Variants in RGS20 observed in about 807,000 individuals in gnomAD.
RGS20 encodes gz-selective GTPase-activating protein.
A neutral mutation model predicts 33.6 loss-of-function variants in RGS20; 30 were observed. The observed-to-expected ratio is 0.89, with a 90% CI of 0.67 to 1.21. The LOEUF is 1.21. Among genes scored for constraint, RGS20 ranks in the 50% most tolerant of loss-of-function variants. The pLI, the probability that RGS20 is intolerant of heterozygous loss-of-function variation, is 0.00. For missense variants in RGS20, 472 were observed against 502.4 expected (o/e 0.94, Z 0.58); for synonymous variants, 208 against 197.9 (o/e 1.05, Z -0.43).
Position 53,867,199 on chromosome 8 carries a change from C to T in RGS20, c.166-12059C>T, listed in dbSNP as rs568975998. 1.3e-4 allele frequency among the ~76,000 whole-genome samples: 20 copies of T among 152,124 alleles called. No individual in the cohort carries two copies. The South Asian group carries it at 3.7e-3, about 28-fold the overall frequency. ...AGGAGAGCGGCAGAGCCTGGGAAAA[C>T]GTGACAACTCAAATGGTGGCAGTGT... On this transcript the variant is annotated intron_variant, in intron 1 of 5. Transcript: ENST00000297313.
chr8:53,880,479 C>T (rs1280384775), intron 2 of RGS20, among the ~76,000 whole-genome samples: 1 of 152,028 alleles, frequency 6.6e-6, no homozygotes, highest in Non-Finnish European at 1.5e-5. Flanking sequence ...TCCAGAGACG[C>T]GCAGTCCACA....
chr8:53,889,606 T>A (rs1431703192), intron 2 of RGS20, among the ~76,000 whole-genome samples: 1 of 151,836 alleles, frequency 6.6e-6, no homozygotes, highest in Non-Finnish European at 1.5e-5. Context: ...TTGCCCAGGC[T>A]GGTCTTGAAC....
intron 1 of RGS20, among the ~76,000 whole-genome samples, chr8:53,874,782 C>G (rs1438659141): frequency 6.6e-6 from 1 of 152,120 alleles, no homozygotes; most frequent in Non-Finnish European, 1.5e-5. Context: ...CGAAATTTCC[C>G]CTTTGTATAA....
intron 2 of RGS20, among the ~76,000 whole-genome samples, chr8:53,916,780 C>T (rs1813495924): frequency 6.6e-6 from 1 of 152,142 alleles, no homozygotes; most frequent in South Asian, 2.1e-4. Flanking sequence ...ATTTGTTTCT[C>T]ACAGTTCTGG....
At chr8:53,853,260 T>C (rs1222392701) in intron 1 of RGS20, among the ~76,000 whole-genome samples, 1 of 152,268 alleles carries the variant, frequency 6.6e-6, no homozygotes, top group Non-Finnish European at 1.5e-5. Flanking sequence ...TATATGTGTG[T>C]ATGTATATGC....
chr8:53,918,426 T>C (rs570809457), intron 2 of RGS20, among the ~76,000 whole-genome samples: 6 of 152,008 alleles, frequency 3.9e-5, no homozygotes, highest in Middle Eastern at 6.8e-3. Flanking sequence ...TTTGCTCTTG[T>C]TGCCCGGGCC....
At chr8:53,905,378 T>C (rs1020275627) in intron 2 of RGS20, among the ~76,000 whole-genome samples, 1 of 152,174 alleles carries the variant, frequency 6.6e-6, no homozygotes, top group Non-Finnish European at 1.5e-5. Flanking sequence ...ATAGTGGAAA[T>C]AGAGCTTTGA....
chr8:53,875,258 C>G (rs1812174756), intron 1 of RGS20, among the ~76,000 whole-genome samples: 1 of 151,768 alleles, frequency 6.6e-6, no homozygotes, highest in Non-Finnish European at 1.5e-5. Context: ...ATGGTGAAAC[C>G]CCATCTCTAC....
intron 3 of RGS20, among the ~76,000 whole-genome samples, chr8:53,940,358 A>C (rs570696823): frequency 6.6e-6 from 1 of 152,342 alleles, no homozygotes; most frequent in East Asian, 1.9e-4. Context: ...CCTAAAAATC[A>C]TGGGAACTTT....
At chr8:53,888,865 T>C (rs1219037100) in intron 2 of RGS20, among the ~76,000 whole-genome samples, 1 of 152,224 alleles carries the variant, frequency 6.6e-6, no homozygotes, top group Non-Finnish European at 1.5e-5. Context: ...ATTATGTTTT[T>C]GAGATTCATT....
chr8:53,917,886 G>A (rs894003025), intron 2 of RGS20, among the ~76,000 whole-genome samples: 3 of 152,104 alleles, frequency 2.0e-5, no homozygotes, highest in African/African-American at 4.8e-5. Flanking sequence ...GTCATTCTCC[G>A]TTCTCTCTCC....
At chr8:53,874,931 C>T (rs1221488760) in intron 1 of RGS20, among the ~76,000 whole-genome samples, 1 of 152,116 alleles carries the variant, frequency 6.6e-6, no homozygotes, top group African/African-American at 2.4e-5. Flanking sequence ...TGCAAGTCAA[C>T]CTATAACACA....
rs1014590815 is a variant in RGS20, at chr8:53,954,407, T to G, written c.978+97T>G. The G allele has an allele frequency of 6.3e-6, 5 of 791,446 alleles. No homozygotes were observed. The African/African-American group carries it at 8.6e-5, about 14-fold the overall frequency. 49.0% of individuals were successfully genotyped at this position (791,446 alleles called of 1,614,324 possible). A position where few individuals can be genotyped will look rare whatever the true frequency, so the allele number is the denominator to read the frequency against. On this transcript the variant is annotated intron_variant, in intron 5 of 5. Coordinates refer to ENST00000297313, the MANE Select transcript of RGS20 (RefSeq NM_170587.4). ...GGCCGGGCACAGTGGCTCACGTCTG[T>G]AATCCCAGCACTTTGGGAGGCTGAG...
At chr8:53,908,546 A>G (rs1044014104) in intron 2 of RGS20, among the ~76,000 whole-genome samples, 1 of 152,062 alleles carries the variant, frequency 6.6e-6, no homozygotes, top group Non-Finnish European at 1.5e-5. Flanking sequence ...AGGCTGAGGC[A>G]GGATAATCTC....
At chr8:53,926,015 G>C (rs1813785718) in intron 2 of RGS20, among the ~76,000 whole-genome samples, 1 of 152,152 alleles carries the variant, frequency 6.6e-6, no homozygotes, top group South Asian at 2.1e-4. Context: ...GAGCCCAGGA[G>C]TTTGAGACAT....
chr8:53,923,664 T>C (rs1813711755), intron 2 of RGS20, among the ~76,000 whole-genome samples: 1 of 152,106 alleles, frequency 6.6e-6, no homozygotes, highest in African/African-American at 2.4e-5. Context: ...ATGATTATAT[T>C]TTGCTGGAGA....
chr8:53,880,863 G>A lies in RGS20; in HGVS notation c.510+1261G>A. On this transcript the variant is annotated intron_variant, in intron 2 of 5. Coordinates refer to ENST00000297313, the MANE Select transcript of RGS20 (RefSeq NM_170587.4). ...CCGGGTAAAAGGAGTGAGGGGGCGGGGAGGAGGCAGAGCAAGGGGAGGAAG... is the reference window on the plus strand; with the variant it reads ...CCGGGTAAAAGGAGTGAGGGGGCGGAGAGGAGGCAGAGCAAGGGGAGGAAG... The A allele has an allele frequency of 6.9e-7, 1 of 1,439,032 alleles. No homozygotes were observed. The highest frequency in any genetic ancestry group is 2.1e-4 in the Middle Eastern group (1 of 4,844). The allele number at this position is 1,439,032 out of a possible 1,614,324, so 89.1% of individuals were successfully genotyped here.
rs760079324 is a variant in RGS20, at chr8:53,857,846, G to A, written c.165+5782G>A. Among the ~76,000 whole-genome samples, 18 of 151,952 alleles carry A rather than the reference G, an allele frequency of 1.2e-4. 1 individual carries two copies. Among genetic ancestry groups the A allele is most frequent in the African/African-American group, 4.4e-4 (18 of 41,372 alleles). ...ATTTTGTTTAAGGAATACTTAGCTT[G>A]TAATCATGTATATTTCAAAGTTGCA... On this transcript the variant is annotated intron_variant, in intron 1 of 5. Coordinates refer to ENST00000297313, the MANE Select transcript of RGS20 (RefSeq NM_170587.4).
chr8:53,951,822 G>A (rs1814715268), intron 4 of RGS20, among the ~76,000 whole-genome samples: 1 of 151,972 alleles, frequency 6.6e-6, no homozygotes, highest in Non-Finnish European at 1.5e-5. Context: ...TTTGAGGCCA[G>A]CCTGGCCAAC....
Sources: allele counts gnomAD v4.1 joint callset (sites outside exome capture counted in the v4.1 genomes callset), GRCh38; gene constraint gnomAD v4.1.1; transcripts MANE v1.5; gene names NCBI Gene and HGNC (gene_info 2026-07-23, HGNC 2026-07-21).